SLC28A1: variants seen among roughly 807,000 people sequenced by gnomAD.
SLC28A1 encodes solute carrier family 28 member 1.
In SLC28A1, 64 loss-of-function variants were observed where a neutral mutation model predicts 74.8. The observed-to-expected ratio is 0.86, with a 90% confidence interval of 0.70 to 1.05. SLC28A1 has a LOEUF of 1.05. SLC28A1 is among the 50% of genes least tolerant of loss of function. The probability of loss-of-function intolerance (pLI) is 0.00; values close to 1 mark genes in which losing one functional copy is unlikely to be tolerated. For missense variants in SLC28A1, 828 were observed against 822.8 expected, an observed-to-expected ratio of 1.01 and a Z score of -0.08; for synonymous variants, 359 against 335.0, an observed-to-expected ratio of 1.07 and a Z score of -0.78.
In SLC28A1 at chr15:84,919,877, T is replaced by C. The variant is rs563655504; in HGVS notation, c.877-1112T>C. ...AGTTATGTTAAGAGCACACACAGCA[T>C]AGCATAAAGGAGGTGATTCTCCCCA... On this transcript the variant is annotated intron_variant, in intron 10 of 18. Coordinates refer to ENST00000394573, the MANE Select transcript of SLC28A1 (RefSeq NM_004213.5). Among the ~76,000 whole-genome samples the C allele has an allele frequency of 2.0e-5, 3 of 152,236 alleles. No homozygotes were observed. The South Asian group carries it at 6.2e-4, about 32-fold the overall frequency.
At chr15:84,956,555 C>G in the SLC28A1 span, among the ~76,000 whole-genome samples, 1 of 151,336 alleles carries the variant, frequency 6.6e-6, no homozygotes, top group African/African-American at 2.4e-5. Context: ...TGCAGTGGCA[C>G]AATCATGGCT....
chr15:84,975,102 A>G, the SLC28A1 span, among the ~76,000 whole-genome samples: 1 of 152,218 alleles, frequency 6.6e-6, no homozygotes, highest in Admixed American at 6.5e-5. Flanking sequence ...TGACTACTCC[A>G]GTAATCCCAG....
intron 10 of SLC28A1, among the ~76,000 whole-genome samples, chr15:84,918,966 C>G (rs1969474573): frequency 6.6e-6 from 1 of 150,968 alleles, no homozygotes; most frequent in South Asian, 2.1e-4. Context: ...CCATACCTTC[C>G]CTGAATCCCC....
intron 8 of SLC28A1, 39 bp downstream of exon 8, chr15:84,905,691 T>C (rs372007229): frequency 7.1e-7 from 1 of 1,411,466 alleles, no homozygotes; most frequent in Non-Finnish European, 1.0e-6. Flanking sequence ...GCATCTTAGA[T>C]TACTGGGAGT....
intron 6 of SLC28A1, among the ~76,000 whole-genome samples, chr15:84,897,372 C>A (rs183929067): frequency 1.3e-5 from 2 of 151,752 alleles, no homozygotes; most frequent in Non-Finnish European, 2.9e-5. Flanking sequence ...GGTGACAGAG[C>A]GAGACTCCGT....
At chr15:84,891,471 C>T (rs908733617) in intron 5 of SLC28A1, among the ~76,000 whole-genome samples, 1 of 152,114 alleles carries the variant, frequency 6.6e-6, no homozygotes, top group Non-Finnish European at 1.5e-5. Context: ...TTGGAGGTAC[C>T]ACTGCCAGGC....
chr15:84,911,531 A>G (rs1294992294), intron 9 of SLC28A1, among the ~76,000 whole-genome samples: 1 of 152,180 alleles, frequency 6.6e-6, no homozygotes, highest in Non-Finnish European at 1.5e-5. Flanking sequence ...CTCCAAATAC[A>G]AAAAGCACTC....
intron 12 of SLC28A1, among the ~76,000 whole-genome samples, chr15:84,932,727 G>A (rs959458587): frequency 1.3e-5 from 2 of 152,194 alleles, no homozygotes; most frequent in African/African-American, 4.8e-5. Context: ...CTCCACTAAG[G>A]GGGAAACCTC....
the SLC28A1 span, among the ~76,000 whole-genome samples, chr15:84,951,801 A>G: frequency 6.6e-6 from 1 of 152,088 alleles, no homozygotes; most frequent in East Asian, 1.9e-4. Context: ...CATACCTCCC[A>G]CTGGCCACCA....
intron 9 of SLC28A1, among the ~76,000 whole-genome samples, chr15:84,912,570 A>G (rs1187386548): frequency 6.6e-6 from 1 of 151,496 alleles, no homozygotes; most frequent in Admixed American, 6.6e-5. Context: ...GTAACTTTCC[A>G]CCCGCATGAT....
intron 8 of SLC28A1, among the ~76,000 whole-genome samples, chr15:84,906,787 T>G (rs1236251380): frequency 2.6e-5 from 4 of 152,092 alleles, no homozygotes; most frequent in Non-Finnish European, 4.4e-5. Context: ...ATACATAACA[T>G]AAAATCAACC....
chr15:84,915,743 C>T (rs978841748), intron 9 of SLC28A1, among the ~76,000 whole-genome samples: 1 of 152,180 alleles, frequency 6.6e-6, no homozygotes, highest in South Asian at 2.1e-4. Flanking sequence ...AGCTGCCCCT[C>T]GGTTTCCATC....
intron 9 of SLC28A1, among the ~76,000 whole-genome samples, 170 bp from the exon 10 acceptor site, chr15:84,918,354 G>A (rs1969390698): frequency 6.6e-6 from 1 of 152,064 alleles, no homozygotes; most frequent in Non-Finnish European, 1.5e-5. Flanking sequence ...CCTGCATGTG[G>A]AACCCTGGGA....
At position 84,886,825 on chromosome 15, in the gene SLC28A1, T is replaced by C. The variant is rs796249501; in HGVS notation, c.-17+38T>C. On this transcript the variant is annotated intron_variant, in intron 2 of 18. Coordinates refer to ENST00000394573, the MANE Select transcript of SLC28A1 (RefSeq NM_004213.5). ...AGGGCCCCGCTTCTGTGTGCGCTGC[T>C]GTGCGTCTGTGTGTGAGCCAGGGCA... is the stretch of plus-strand genomic sequence containing the variant. 54 of 941,108 alleles carry C rather than the reference T, an allele frequency of 5.7e-5. No homozygotes were observed. The African/African-American group carries it at 9.4e-4, about 16-fold the overall frequency. 58.3% of individuals were successfully genotyped at this position (941,108 alleles called of 1,614,324 possible).
At chr15:84,910,482 A>G (rs143300585) in intron 9 of SLC28A1, among the ~76,000 whole-genome samples, 495 of 152,276 alleles carry the variant, frequency 3.3e-3, no homozygotes, top group Non-Finnish European at 5.5e-3. Flanking sequence ...TAATCCTAGC[A>G]CTTTGGGAGG....
chr15:84,957,870 G>A, the SLC28A1 span, among the ~76,000 whole-genome samples: 1 of 152,164 alleles, frequency 6.6e-6, no homozygotes, highest in African/African-American at 2.4e-5. Flanking sequence ...CTGAGATTTT[G>A]ATAGAGATTG....
chr15:84,959,885 C>A, the SLC28A1 span, among the ~76,000 whole-genome samples: 1 of 152,162 alleles, frequency 6.6e-6, no homozygotes, highest in African/African-American at 2.4e-5. Flanking sequence ...TCATACGTAA[C>A]AATGAGTCCC....
intron 12 of SLC28A1, among the ~76,000 whole-genome samples, chr15:84,928,595 T>TTCCTTCC (rs1596327926): frequency 4.6e-4 from 7 of 15,148 alleles, no homozygotes; most frequent in Non-Finnish European, 7.0e-4. Flanking sequence ...TCTTTCTTTC[T>TTCCTTCC]TTCTTTCTTT....
At chr15:84,938,007 C>G (rs1596353036) in intron 15 of SLC28A1, among the ~76,000 whole-genome samples, 1 of 152,102 alleles carries the variant, frequency 6.6e-6, no homozygotes, top group Non-Finnish European at 1.5e-5. Context: ...TGAGACCAAC[C>G]TGACCAACAT....
Sources: allele counts gnomAD v4.1 joint callset (sites outside exome capture counted in the v4.1 genomes callset), GRCh38; gene constraint gnomAD v4.1.1; transcripts MANE v1.5; gene names NCBI Gene and HGNC (gene_info 2026-07-23, HGNC 2026-07-21).